Variants in YJEFN3 observed in about 807,000 individuals in gnomAD.
The protein encoded by YJEFN3 is YjeF N-terminal domain containing 3.
A neutral mutation model predicts 31.5 loss-of-function variants in YJEFN3; 29 were observed. The observed-to-expected ratio is 0.92, with a 90% CI of 0.69 to 1.26. The LOEUF (loss-of-function observed/expected upper bound fraction) is 1.26, where lower values mean the gene tolerates loss of function less well. Ranked by LOEUF, YJEFN3 falls within the 50% of genes most tolerant of loss-of-function variation. YJEFN3 has a pLI of 0.00. For missense variants in YJEFN3, 442 were observed against 425.4 expected (o/e 1.04, Z -0.34); for synonymous variants, 227 against 196.1 (o/e 1.16, Z -1.32).
chr19:19,536,975 G>T (rs996541035), intron 6 of YJEFN3, among the ~76,000 whole-genome samples: 9 of 152,156 alleles, frequency 5.9e-5, no homozygotes, highest in Admixed American at 5.9e-4. Context: ...TGGGTCAGAT[G>T]GAGGAGGGCG....
chr19:19,531,718 C>CTTTTTTTTTTTTTTT lies in YJEFN3; in HGVS notation c.210-898_210-884dup, dbSNP rs56747140. 4.2e-4 allele frequency among the ~76,000 whole-genome samples: 32 copies of CTTTTTTTTTTTTTTT among 75,864 alleles called. 6 individuals carry two copies. The highest frequency in any genetic ancestry group is 2.4e-3 in the African/African-American group (32 of 13,252). The allele number at this position is 75,864 out of a possible 152,430, so 49.8% of individuals were successfully genotyped here. Reference sequence around the variant, plus strand: ...GCCACATTTTCTGGCAACAAATAACCTTTTTTTTTTTTTTTTTTTTTTTTT... The same window carrying CTTTTTTTTTTTTTTT: ...GCCACATTTTCTGGCAACAAATAACCTTTTTTTTTTTTTTTTTTTTTTTTTTTTTTTTTTTTTTTT... On this transcript the variant is annotated intron_variant, in intron 2 of 6. Transcript: ENST00000514277.
chr19:19,532,569 C>T (rs2061168165), intron 2 of YJEFN3, 63 bp from the exon 3 acceptor site: 2 of 1,164,602 alleles, frequency 1.7e-6, no homozygotes, highest in Non-Finnish European at 2.4e-6. Flanking sequence ...CGGAACATTT[C>T]TGGCTCCATC....
chr19:19,533,532 C>T (rs1371266982), intron 3 of YJEFN3: 9 of 762,954 alleles, frequency 1.2e-5, no homozygotes, highest in Non-Finnish European at 1.4e-5. Context: ...TTCTTCTCTC[C>T]TTTCTCCTTC....
chr19:19,532,171 A>G (rs1446129830), intron 2 of YJEFN3, among the ~76,000 whole-genome samples: 1 of 152,210 alleles, frequency 6.6e-6, no homozygotes, highest in Non-Finnish European at 1.5e-5. Flanking sequence ...CATGGACCCC[A>G]GATGCCCCCA....
intron 1 of YJEFN3, 137 bp from the exon 2 acceptor site, chr19:19,529,227 G>C (rs1055023903): frequency 3.2e-5 from 47 of 1,449,004 alleles, no homozygotes; most frequent in Non-Finnish European, 4.2e-5. Flanking sequence ...CTGGCATCTT[G>C]CTGGAGACAC....
chr19:19,529,512 A>C lies in YJEFN3; in HGVS notation c.208A>C (p.Ser70Arg). Residue 70 changes from serine (S) to arginine (R), a missense_variant and splice_region_variant, in exon 2 of 7, where the codon AGC (serine) becomes CGC (arginine). Ser to Arg is a moderately radical substitution (Grantham distance 110). Transcript: ENST00000514277. ...TTGGAACGCAGGGCCTGTTTGCCAGAGGTTGGTGAGTTTGGGATCTAGAAC... is the reference window on the plus strand; with the variant it reads ...TTGGAACGCAGGGCCTGTTTGCCAGCGGTTGGTGAGTTTGGGATCTAGAAC... The part of the protein sequence containing the change: ...QIWNAGPVCQ[S>R]TAEAAALERE... 1 of 1,613,216 alleles carries C rather than the reference A, an allele frequency of 6.2e-7. No individual in the cohort carries two copies. The highest frequency in any genetic ancestry group is 8.5e-7 in the Non-Finnish European group (1 of 1,179,528).
intron 1 of YJEFN3, 125 bp from the exon 2 acceptor site, chr19:19,529,239 A>G: frequency 6.9e-7 from 1 of 1,454,052 alleles, no homozygotes; most frequent in Non-Finnish European, 9.0e-7. Context: ...TGGAGACACT[A>G]AGCTGCGTTG....
chr19:19,533,447 CCTT>C (rs1234787303), intron 3 of YJEFN3: 11 of 976,854 alleles, frequency 1.1e-5, no homozygotes, highest in African/African-American at 1.8e-5. Context: ...CCTTTCTCCT[CCTT>C]CCTCCTCCTC....
intron 6 of YJEFN3, 138 bp downstream of exon 6, chr19:19,535,817 G>C (rs1389134760): frequency 1.2e-5 from 14 of 1,160,992 alleles, no homozygotes; most frequent in Non-Finnish European, 1.7e-5. Context: ...CTGAGGCTAA[G>C]GGTCACACCC....
intron 6 of YJEFN3, chr19:19,535,949 C>T (rs1157617543): frequency 2.2e-5 from 13 of 582,466 alleles, no homozygotes; most frequent in African/African-American, 9.5e-5. Context: ...CCTGGGCAGA[C>T]GTGAGCTCAC....
chr19:19,535,571 G>A lies in YJEFN3; in HGVS notation c.586G>A (p.Val196Ile), dbSNP rs762365257. 6.3e-6 allele frequency: 10 copies of A among 1,585,246 alleles called. No individual in the cohort carries two copies. Among genetic ancestry groups the A allele is most frequent in the African/African-American group, 2.7e-5 (2 of 74,248 alleles). ...NEAYGLVVDA[V>I]LGPGVEPGEV... is the part of the protein sequence containing the mutation. The stretch of plus-strand genomic sequence containing the variant: ...AGCCTATGGGCTGGTGGTGGATGCC[G>A]TACTGGGCCCCGGCGTGGAGCCGGG... The change falls in exon 6 of 7, where the codon GTA becomes ATA. Residue 196 changes from valine (V) to isoleucine (I), a missense_variant. Coordinates refer to ENST00000514277, the MANE Select transcript of YJEFN3 (RefSeq NM_198537.4).
In YJEFN3 at chr19:19,529,528, G is replaced by A; in HGVS notation, c.209+15G>A. On this transcript the variant is annotated intron_variant, in intron 2 of 6. Coordinates refer to ENST00000514277, the MANE Select transcript of YJEFN3 (RefSeq NM_198537.4). Reference sequence around the variant, plus strand: ...GTTTGCCAGAGGTTGGTGAGTTTGGGATCTAGAACTGGCGCCGTGGCTGTG... The same window carrying A: ...GTTTGCCAGAGGTTGGTGAGTTTGGAATCTAGAACTGGCGCCGTGGCTGTG... 6.2e-7 allele frequency: 1 copy of A among 1,610,618 alleles called. No individual in the cohort carries two copies. The highest frequency in any genetic ancestry group is 1.7e-4 in the Middle Eastern group (1 of 6,038).
chr19:19,533,350 C>T (rs770997009), intron 3 of YJEFN3: 100 of 985,606 alleles, frequency 1.0e-4, no homozygotes, highest in South Asian at 1.4e-4. Flanking sequence ...AGTCCCTAAA[C>T]GTGAACGCCT....
chr19:19,533,390 T>G (rs1397366596), intron 3 of YJEFN3: 1 of 986,096 alleles, frequency 1.0e-6, no homozygotes, highest in East Asian at 1.1e-4. Flanking sequence ...GTCGAGGCTC[T>G]AGCGTGACTG....
intron 3 of YJEFN3, among the ~76,000 whole-genome samples, 191 bp downstream of exon 3, chr19:19,532,931 C>T (rs2061172693): frequency 6.6e-6 from 1 of 152,132 alleles, no homozygotes; most frequent in Non-Finnish European, 1.5e-5. Flanking sequence ...ACCTGAGACC[C>T]CTGGTATCAG....
Position 19,535,662 on chromosome 19 carries a change from G to A in YJEFN3, c.677G>A (p.Ser226Asn), listed in dbSNP as rs1455295883. The A allele has an allele frequency of 5.1e-6, 8 of 1,566,182 alleles. No homozygotes were observed. The Admixed American group carries it at 1.5e-4, about 30-fold the overall frequency. ...TLKLLSIPLV[S>N]LDIPSGWDAE... ...AAGCTGCTGTCCATCCCCCTCGTGA[G>A]CCTGGACATCCCCTCAGGCATGCCA... The change falls in exon 6 of 7, where the codon AGC becomes AAC. Residue 226 changes from serine to asparagine, a missense_variant. Physicochemically the swap from Ser to Asn is conservative, Grantham distance 46. Transcript: ENST00000514277.
At chr19:19,531,718 C>CTTTTTTTTTTTTTTTTTTTTTTTTTTTT (rs56747140) in intron 2 of YJEFN3, among the ~76,000 whole-genome samples, 1 of 75,864 alleles carries the variant, frequency 1.3e-5, no homozygotes, top group African/African-American at 7.5e-5. Flanking sequence ...AACAAATAAC[C>CTTTTTTTTTTTTTTTTTTTTTTTTTTTT]TTTTTTTTTT....
chr19:19,537,341 C>A lies in YJEFN3; in HGVS notation c.717C>A (p.Ser239Arg), dbSNP rs751668673. ...CAGGCTGGGACGCAGAGACCGGCAG[C>A]GATTCGGAGGACGGGCTGCGGCCTG... ...IPSGWDAETGSDSEDGLRPDV... is the reference protein window; with the variant it reads ...IPSGWDAETGRDSEDGLRPDV... The change falls in exon 7 of 7, where the codon AGC (serine) becomes AGA (arginine). Residue 239 changes from serine to arginine, a missense_variant. By Grantham distance (110) the Ser-to-Arg change is moderately radical (BLOSUM62 -1). Transcript: ENST00000514277. 6.3e-7 allele frequency: 1 copy of A among 1,594,924 alleles called. No homozygotes were observed. Among genetic ancestry groups the A allele is most frequent in the South Asian group, 1.1e-5 (1 of 90,110 alleles).
chr19:19,529,150 C>T (rs913753214), intron 1 of YJEFN3, 159 bp downstream of exon 1: 8 of 1,460,454 alleles, frequency 5.5e-6, no homozygotes, highest in Admixed American at 2.6e-5. Context: ...GGCATGACCA[C>T]GGTGGGGAAC....
Sources: allele counts gnomAD v4.1 joint callset (sites outside exome capture counted in the v4.1 genomes callset), GRCh38; gene constraint gnomAD v4.1.1; transcripts MANE v1.5; gene names NCBI Gene and HGNC (gene_info 2026-07-23, HGNC 2026-07-21).